GMDS: variants seen among roughly 807,000 people sequenced by gnomAD.
GMDS encodes GDP-mannose 4,6-dehydratase.
Under a neutral mutation model 49.9 loss-of-function variants are expected in GMDS, and 20 were observed. The observed-to-expected ratio is 0.40, with a 90% CI of 0.28 to 0.58. The LOEUF (loss-of-function observed/expected upper bound fraction) is 0.58. Ranked by LOEUF, GMDS falls within the 20% of genes least tolerant of loss-of-function variation. The probability of loss-of-function intolerance (pLI) is 0.42; values close to 1 mark genes in which losing one functional copy is unlikely to be tolerated. For missense variants in GMDS, 362 were observed against 481.4 expected, an observed-to-expected ratio of 0.75 and a Z score of 2.32; for synonymous variants, 177 against 178.6, an observed-to-expected ratio of 0.99 and a Z score of 0.07.
chr6:1,909,320 G>C (rs541791500), intron 7 of GMDS, among the ~76,000 whole-genome samples: 2 of 152,242 alleles, frequency 1.3e-5, no homozygotes, highest in South Asian at 4.1e-4. Flanking sequence ...TGACAATTTA[G>C]GTTCTGCCTA....
chr6:2,105,036 G>T (rs1475650007), intron 4 of GMDS, among the ~76,000 whole-genome samples: 5 of 151,874 alleles, frequency 3.3e-5, no homozygotes, highest in Non-Finnish European at 7.4e-5. Context: ...CAAAAAATTA[G>T]CCAGGTGTGG....
intron 7 of GMDS, among the ~76,000 whole-genome samples, chr6:1,906,043 C>T (rs998214733): frequency 9.9e-5 from 15 of 151,826 alleles, no homozygotes; most frequent in East Asian, 7.8e-4. Flanking sequence ...TTCCAAAAAA[C>T]GATACAATGA....
chr6:1,838,928 G>A (rs530165323), intron 7 of GMDS, among the ~76,000 whole-genome samples: 20 of 152,276 alleles, frequency 1.3e-4, no homozygotes, highest in African/African-American at 3.6e-4. Context: ...CCAAAGGAGC[G>A]TCCAAATTAC....
intron 4 of GMDS, among the ~76,000 whole-genome samples, chr6:1,971,895 T>C (rs777180058): frequency 6.6e-6 from 1 of 152,228 alleles, no homozygotes; most frequent in African/African-American, 2.4e-5. Context: ...CCTCCAGCTC[T>C]TGCTTTTTTT....
At chr6:1,652,095 G>A (rs968346059) in intron 9 of GMDS, among the ~76,000 whole-genome samples, 5 of 151,506 alleles carry the variant, frequency 3.3e-5, no homozygotes, top group Non-Finnish European at 5.9e-5. Flanking sequence ...TTAACAGGCC[G>A]GGTGTGGTGG....
chr6:1,910,162 G>A (rs1760978427), intron 7 of GMDS, among the ~76,000 whole-genome samples: 1 of 151,172 alleles, frequency 6.6e-6, no homozygotes, highest in Non-Finnish European at 1.5e-5. Flanking sequence ...AATAATCACT[G>A]AAAATTTAAA....
chr6:2,025,600 C>T (rs114778890), intron 4 of GMDS, among the ~76,000 whole-genome samples: 2,079 of 151,782 alleles, frequency 0.014, 51 homozygotes, highest in African/African-American at 0.048. Context: ...TATTATTATC[C>T]AAGTAAATTA....
intron 9 of GMDS, among the ~76,000 whole-genome samples, chr6:1,705,932 C>T (rs1441629011): frequency 6.6e-6 from 1 of 152,170 alleles, no homozygotes; most frequent in Admixed American, 6.5e-5. Flanking sequence ...AGCAGGAAGG[C>T]CCTTGCAAGA....
chr6:2,054,214 A>G (rs985839874), intron 4 of GMDS, among the ~76,000 whole-genome samples: 4 of 152,150 alleles, frequency 2.6e-5, no homozygotes, highest in African/African-American at 9.6e-5. Context: ...GCGGGTATTA[A>G]AAAGGAAGAT....
At position 1,640,790 on chromosome 6, in the gene GMDS, C is replaced by G. The variant is rs956049587; in HGVS notation, c.988-16250G>C. Among the ~76,000 whole-genome samples the G allele has an allele frequency of 6.6e-6, 1 of 151,604 alleles. No homozygotes were observed. The highest frequency in any genetic ancestry group is 6.6e-5 in the Admixed American group (1 of 15,224). ...GGAAACAATCAGGTGGTTACAAGGC[C>G]TCTGATAAAAAGAAAATTGGGTAAT... On this transcript the variant is annotated intron_variant, in intron 9 of 10. Transcript: ENST00000380815. The surrounding 1 kb of genome is among the most constrained non-coding windows in gnomAD (Gnocchi z 4.0).
chr6:1,980,969 A>C (rs9501787), intron 4 of GMDS, among the ~76,000 whole-genome samples: 49,537 of 152,046 alleles, frequency 0.33, 8,324 homozygotes, highest in Middle Eastern at 0.41. Flanking sequence ...TGAAGACAGA[A>C]ATCAAGAAGT....
At chr6:1,948,305 A>C (rs1392729292) in intron 6 of GMDS, among the ~76,000 whole-genome samples, 4 of 152,260 alleles carry the variant, frequency 2.6e-5, no homozygotes, top group Non-Finnish European at 5.9e-5. Flanking sequence ...CAAAAACTTA[A>C]GAATGTTATT....
chr6:2,107,222 C>T (rs958688417), intron 4 of GMDS, among the ~76,000 whole-genome samples: 3 of 152,160 alleles, frequency 2.0e-5, no homozygotes, highest in Non-Finnish European at 4.4e-5. Context: ...TCTGTTTGAA[C>T]AGGGAGAGGA....
intron 7 of GMDS, among the ~76,000 whole-genome samples, chr6:1,923,981 A>G (rs1761861076): frequency 6.6e-6 from 1 of 152,180 alleles, no homozygotes; most frequent in East Asian, 1.9e-4. Flanking sequence ...GCTGGAATGA[A>G]GGTAAATTCA....
intron 1 of GMDS, among the ~76,000 whole-genome samples, chr6:2,132,131 AG>A (rs1775771827): frequency 6.6e-6 from 1 of 152,178 alleles, no homozygotes; most frequent in Non-Finnish European, 1.5e-5. Context: ...GTAATAGCTC[AG>A]GGTCTAATAG....
intron 4 of GMDS, among the ~76,000 whole-genome samples, chr6:1,985,239 G>A (rs942738590): frequency 2.0e-5 from 3 of 152,160 alleles, no homozygotes; most frequent in Admixed American, 6.5e-5. Context: ...TATCAGAGCT[G>A]GATGAAGCTC....
intron 1 of GMDS, among the ~76,000 whole-genome samples, chr6:2,176,293 A>G (rs1039420182): frequency 5.9e-5 from 9 of 152,174 alleles, no homozygotes; most frequent in African/African-American, 2.2e-4. Flanking sequence ...TTAATATTTT[A>G]TCTCACTGTG....
chr6:1,905,604 G>C (rs1204168964), intron 7 of GMDS, among the ~76,000 whole-genome samples: 1 of 134,750 alleles, frequency 7.4e-6, no homozygotes, highest in East Asian at 2.4e-4. Context: ...TTGGTGTGTA[G>C]GTGGGACCTC....
At chr6:1,665,805 A>G (rs1030092075) in intron 9 of GMDS, among the ~76,000 whole-genome samples, 1 of 152,212 alleles carries the variant, frequency 6.6e-6, no homozygotes, top group Non-Finnish European at 1.5e-5. Flanking sequence ...GTCTGTGTAC[A>G]TATCATCATG....
Sources: allele counts gnomAD v4.1 joint callset (sites outside exome capture counted in the v4.1 genomes callset), GRCh38; gene constraint gnomAD v4.1.1; non-coding constraint Gnocchi (gnomAD v3.1); transcripts MANE v1.5; gene names NCBI Gene and HGNC (gene_info 2026-07-23, HGNC 2026-07-21).